Variants in CLASP1 observed in about 807,000 individuals in gnomAD.
CLASP1 encodes cytoplasmic linker associated protein 1.
CLASP1 carries 38 observed loss-of-function variants against 192.3 expected under a neutral mutation model. The observed-to-expected ratio is 0.20, with a 90% CI of 0.15 to 0.26. The LOEUF is 0.26. Among genes scored for constraint, CLASP1 ranks in the 10% least tolerant of loss-of-function variants. CLASP1 has a pLI of 1.00. For synonymous variants in CLASP1, 691 were observed against 712.8 expected, an observed-to-expected ratio of 0.97 and a Z score of 0.49; for missense variants, 1,433 against 1,932.5, an observed-to-expected ratio of 0.74 and a Z score of 4.85.
At chr2:121,410,003 C>G (rs2077469030) in intron 24 of CLASP1, among the ~76,000 whole-genome samples, 1 of 152,108 alleles carries the variant, frequency 6.6e-6, no homozygotes. Context: ...ATCACCATAG[C>G]CATAAACTAT....
intron 10 of CLASP1, among the ~76,000 whole-genome samples, chr2:121,462,078 T>G (rs1426783125): frequency 6.6e-6 from 1 of 152,108 alleles, no homozygotes; most frequent in East Asian, 1.9e-4. Context: ...TGTGGCTGTA[T>G]CCCAATTTTT....
intron 22 of CLASP1, among the ~76,000 whole-genome samples, chr2:121,423,331 T>C (rs555200937): frequency 2.0e-5 from 3 of 152,302 alleles, no homozygotes; most frequent in Admixed American, 1.3e-4. Flanking sequence ...TGCTCCATAA[T>C]AACTGTTTTA....
At chr2:121,407,642 C>G in exon 25 of CLASP1, 1 of 1,614,000 alleles carries the variant, frequency 6.2e-7, no homozygotes, top group Non-Finnish European at 8.5e-7. Context: ...AGAGCAAACA[C>G]TTGAGGCATC....
At chr2:121,368,700 A>T (rs2067958457) in intron 34 of CLASP1, among the ~76,000 whole-genome samples, 1 of 152,190 alleles carries the variant, frequency 6.6e-6, no homozygotes, top group Non-Finnish European at 1.5e-5. Flanking sequence ...ACAACGGTGG[A>T]AACATTCCAG....
At chr2:121,449,492 CTT>C (rs1320332919) in intron 16 of CLASP1, among the ~76,000 whole-genome samples, 1 of 151,638 alleles carries the variant, frequency 6.6e-6, no homozygotes, top group Non-Finnish European at 1.5e-5. Context: ...TTTTACATCT[CTT>C]GACACAAAGT....
chr2:121,539,305 T>G (rs752414940), intron 2 of CLASP1, among the ~76,000 whole-genome samples: 3 of 152,220 alleles, frequency 2.0e-5, no homozygotes, highest in Non-Finnish European at 4.4e-5. Context: ...TATCAGTTGA[T>G]GGACAGACAC....
rs1195318956 is a variant in CLASP1, at chr2:121,451,715, G to A, written c.1445+75C>T. On this transcript the variant is annotated intron_variant, in intron 15 of 39. Transcript: ENST00000263710. ...ATTCCTCCATTCTTACAGAAAGCCA[G>A]CTGGACCACTCACCAAAGCATTCAC... 30 of 1,170,382 alleles carry A rather than the reference G, an allele frequency of 2.6e-5. No individual in the cohort carries two copies. The East Asian group carries it at 7.2e-4, about 28-fold the overall frequency. The allele number at this position is 1,170,382 out of a possible 1,614,324, so 72.5% of individuals were successfully genotyped here. A position where few individuals can be genotyped will look rare whatever the true frequency, so the allele number is the denominator to read the frequency against.
Position 121,384,477 on chromosome 2 carries a change from G to A in CLASP1, c.3375-2153C>T, listed in dbSNP as rs572781409. 1.3e-4 allele frequency among the ~76,000 whole-genome samples: 19 copies of A among 151,978 alleles called. No homozygotes were observed. The East Asian group carries it at 1.5e-3, about 12-fold the overall frequency. ...TGCTGGGATTACAGGCATCAGTCAC[G>A]GTGTCCAGCCACTAGTGATATTTTT... is the stretch of plus-strand genomic sequence containing the variant. On this transcript the variant is annotated intron_variant, in intron 32 of 39. Coordinates refer to ENST00000263710, the Ensembl canonical transcript of CLASP1.
At chr2:121,451,694 C>T (rs1019612221) in intron 15 of CLASP1, 96 bp downstream of exon 15, 11 of 888,314 alleles carry the variant, frequency 1.2e-5, no homozygotes, top group Non-Finnish European at 1.8e-5. Flanking sequence ...GCATATATTC[C>T]TCCATTCTTA....
chr2:121,634,211 G>A (rs1419610615), intron 1 of CLASP1, among the ~76,000 whole-genome samples: 1 of 152,156 alleles, frequency 6.6e-6, no homozygotes, highest in Non-Finnish European at 1.5e-5. Flanking sequence ...TAGGCATGGA[G>A]CTCCTTGGCA....
At chr2:121,519,499 T>G (rs1345235078) in intron 6 of CLASP1, among the ~76,000 whole-genome samples, 1 of 152,188 alleles carries the variant, frequency 6.6e-6, no homozygotes, top group Non-Finnish European at 1.5e-5. Context: ...CAAGAAAAGT[T>G]AAAAATATAA....
chr2:121,512,285 C>T (rs2094160126), intron 7 of CLASP1, among the ~76,000 whole-genome samples: 1 of 152,138 alleles, frequency 6.6e-6, no homozygotes, highest in South Asian at 2.1e-4. Flanking sequence ...AAAATATTTT[C>T]TAGAAGACTC....
At chr2:121,344,210 G>C (rs971299463) in intron 39 of CLASP1, among the ~76,000 whole-genome samples, 3 of 152,188 alleles carry the variant, frequency 2.0e-5, no homozygotes, top group African/African-American at 7.2e-5. Context: ...TGACCCCAAA[G>C]CTAGTGTTGC....
intron 14 of CLASP1, among the ~76,000 whole-genome samples, chr2:121,452,408 C>T (rs535933602): frequency 6.6e-6 from 1 of 152,204 alleles, no homozygotes; most frequent in South Asian, 2.1e-4. Context: ...TCTATTTAAG[C>T]CTTTTCACTT....
intron 2 of CLASP1, among the ~76,000 whole-genome samples, chr2:121,537,978 T>C (rs531250725): frequency 1.3e-5 from 2 of 152,326 alleles, no homozygotes; most frequent in East Asian, 3.9e-4. Context: ...TATATTTTTT[T>C]CAAACCTACA....
At chr2:121,475,700 G>T (rs2150017942) in intron 8 of CLASP1, among the ~76,000 whole-genome samples, 1 of 152,278 alleles carries the variant, frequency 6.6e-6, no homozygotes, top group East Asian at 1.9e-4. Flanking sequence ...TTAACTGCAG[G>T]CTTGTGCCAT....
intron 8 of CLASP1, among the ~76,000 whole-genome samples, chr2:121,495,463 C>A (rs1176857162): frequency 1.3e-5 from 2 of 151,152 alleles, no homozygotes; most frequent in Non-Finnish European, 3.0e-5. Context: ...GATTTCGAGA[C>A]CAGCCTGACC....
chr2:121,514,651 A>G (rs1159972969), intron 7 of CLASP1, among the ~76,000 whole-genome samples: 4 of 152,234 alleles, frequency 2.6e-5, no homozygotes, highest in Non-Finnish European at 5.9e-5. Flanking sequence ...ACCACAAGGA[A>G]GCACAGTCCA....
chr2:121,453,636 G>A (rs1455892586), intron 14 of CLASP1, among the ~76,000 whole-genome samples: 1 of 152,086 alleles, frequency 6.6e-6, no homozygotes, highest in Non-Finnish European at 1.5e-5. Context: ...TCCCAGTCTG[G>A]GTTTTTCTTG....
Sources: gnomAD v4.1 joint callset for allele counts (sites outside exome capture counted in the v4.1 genomes callset) on GRCh38, gnomAD v4.1.1 for gene constraint, MANE v1.5 for transcripts, NCBI Gene and HGNC (gene_info 2026-07-23, HGNC 2026-07-21) for gene names.